The following RCOR3 variants were observed in gnomAD, a reference collection of about 807,000 sequenced individuals.
The protein encoded by RCOR3 is REST corepressor 3.
In RCOR3, 13 loss-of-function variants were observed where a neutral mutation model predicts 64.1. The observed-to-expected ratio is 0.20, with a 90% confidence interval of 0.13 to 0.32. The LOEUF (loss-of-function observed/expected upper bound fraction) is 0.32, where lower values mean the gene tolerates loss of function less well. RCOR3 is among the 10% of genes least tolerant of loss of function. The probability of loss-of-function intolerance (pLI) is 1.00; values close to 1 mark genes in which losing one functional copy is unlikely to be tolerated. For synonymous variants in RCOR3, 215 were observed against 239.0 expected, an observed-to-expected ratio of 0.90 and a Z score of 0.93; for missense variants, 489 against 701.2, an observed-to-expected ratio of 0.70 and a Z score of 3.42.
At chr1:211,270,104 C>G (rs964691949) in intron 2 of RCOR3, among the ~76,000 whole-genome samples, 10 of 150,944 alleles carry the variant, frequency 6.6e-5, no homozygotes, top group Non-Finnish European at 1.2e-4. Flanking sequence ...GCTCTGTTAC[C>G]CAGGCTGGAG....
At chr1:211,296,157 C>T (rs1318291140) in intron 9 of RCOR3, among the ~76,000 whole-genome samples, 1 of 152,062 alleles carries the variant, frequency 6.6e-6, no homozygotes, top group African/African-American at 2.4e-5. Flanking sequence ...ATTATTTTAA[C>T]GAATTTTTAT....
intron 7 of RCOR3, among the ~76,000 whole-genome samples, chr1:211,281,622 G>T (rs555214263): frequency 6.6e-6 from 1 of 152,118 alleles, no homozygotes; most frequent in African/African-American, 2.4e-5. Context: ...ATTTATTTCA[G>T]ATTACTAACA....
intron 2 of RCOR3, among the ~76,000 whole-genome samples, chr1:211,270,066 CTTT>C: frequency 6.9e-6 from 1 of 144,656 alleles, no homozygotes; most frequent in African/African-American, 2.5e-5. Flanking sequence ...TTTATCTTGA[CTTT>C]TTTTTTTTTT....
At chr1:211,268,390 T>C (rs12048594) in intron 2 of RCOR3, among the ~76,000 whole-genome samples, 9,892 of 139,072 alleles carry the variant, frequency 0.071, 457 homozygotes, top group East Asian at 0.23. Context: ...TTTTTTTTTT[T>C]TTTTTTGAGA....
In RCOR3 at chr1:211,312,992, T is replaced by A; in HGVS notation, c.1317+31T>A. 2 of 1,613,688 alleles carry A rather than the reference T, an allele frequency of 1.2e-6. No individual in the cohort carries two copies. Among genetic ancestry groups the A allele is most frequent in the Non-Finnish European group, 1.7e-6 (2 of 1,179,742 alleles). ...TTTGTGTATGGAATTTGAGCTAATA[T>A]GAGTTGAGGAATCACCATTTTGTGT... On this transcript the variant is annotated intron_variant, in intron 11 of 11. Coordinates refer to ENST00000419091, the MANE Select transcript of RCOR3 (RefSeq NM_001136223.3). The surrounding 1 kb of genome is among the most constrained non-coding windows in gnomAD (Gnocchi z 5.0).
intron 5 of RCOR3, 131 bp downstream of exon 5, chr1:211,276,549 T>G: frequency 1.3e-6 from 1 of 776,522 alleles, no homozygotes; most frequent in Non-Finnish European, 2.0e-6. Flanking sequence ...AGTAGGTATA[T>G]TTATATACAA....
At chr1:211,307,459 C>A (rs1700957707) in intron 10 of RCOR3, among the ~76,000 whole-genome samples, 2 of 146,152 alleles carry the variant, frequency 1.4e-5, no homozygotes, top group Admixed American at 6.9e-5. Flanking sequence ...CCAGCCTGGG[C>A]AGCAGAGCGA....
chr1:211,276,346 A>T lies in RCOR3; in HGVS notation c.444A>T (p.Thr148=). ...TCACTCCCTTTCCGGATGAGTGGAC[A>T]GTGGAAGATAAAGTCCTATTTGAAC... is the stretch of plus-strand genomic sequence containing the variant. ...PNFTPFPDEW[T]VEDKVLFEQA... is the part of the protein sequence containing the mutation. Residue 148 remains threonine (T), a synonymous_variant, in exon 5 of 12, where the codon ACA becomes ACT. Transcript: ENST00000419091. 1 of 1,613,984 alleles carries T rather than the reference A, an allele frequency of 6.2e-7. No individual in the cohort carries two copies. Among genetic ancestry groups the T allele is most frequent in the Non-Finnish European group, 8.5e-7 (1 of 1,179,846 alleles).
rs1701822592 is a variant in RCOR3, at chr1:211,315,535, C to T, written c.*1767C>T. 6.6e-6 allele frequency: 1 copy of T among 152,004 alleles called. No individual in the cohort carries two copies. The highest frequency in any genetic ancestry group is 2.4e-5 in the African/African-American group (1 of 41,396). The allele number at this position is 152,004 out of a possible 1,614,324, so 9.4% of individuals were successfully genotyped here. A position where few individuals can be genotyped will look rare whatever the true frequency, so the allele number is the denominator to read the frequency against. ...TTCAAGAATTTATACTTATTTTTTCCTTAAAAGCCACAGGGGACAGTTAAA... is the reference window on the plus strand; with the variant it reads ...TTCAAGAATTTATACTTATTTTTTCTTTAAAAGCCACAGGGGACAGTTAAA... On this transcript the variant is annotated 3_prime_UTR_variant, in exon 12 of 12. Coordinates refer to ENST00000419091, the MANE Select transcript of RCOR3 (RefSeq NM_001136223.3).
At chr1:211,279,590 T>G (rs1697486403) in intron 7 of RCOR3, among the ~76,000 whole-genome samples, 1 of 152,244 alleles carries the variant, frequency 6.6e-6, no homozygotes. Flanking sequence ...CTCATTCTTC[T>G]GAAGAAACCC....
chr1:211,276,784 C>G (rs553680299), intron 5 of RCOR3, among the ~76,000 whole-genome samples: 3 of 152,150 alleles, frequency 2.0e-5, no homozygotes, highest in South Asian at 2.1e-4. Flanking sequence ...TATGGAAGCC[C>G]TTTTTAAAAA....
intron 3 of RCOR3, chr1:211,271,578 C>T (rs953048803): frequency 9.3e-6 from 5 of 540,378 alleles, no homozygotes; most frequent in Admixed American, 8.9e-5. Flanking sequence ...CTGCTTAAAT[C>T]CTCAAGCAGG....
At chr1:211,272,518 C>A (rs1269511924) in intron 3 of RCOR3, among the ~76,000 whole-genome samples, 1 of 148,670 alleles carries the variant, frequency 6.7e-6, no homozygotes, top group Non-Finnish European at 1.5e-5. Context: ...GCATTGGAAT[C>A]ACTTGGGGAA....
Position 211,268,523 on chromosome 1 carries a change from G to A in RCOR3, c.224-2709G>A, listed in dbSNP as rs547669877. 2.6e-4 allele frequency among the ~76,000 whole-genome samples: 39 copies of A among 151,800 alleles called. 1 individual carries two copies. In the South Asian group the frequency reaches 7.3e-3, roughly 28 times the overall value. On this transcript the variant is annotated intron_variant, in intron 2 of 11. Coordinates refer to ENST00000419091, the MANE Select transcript of RCOR3 (RefSeq NM_001136223.3). Reference sequence around the variant, plus strand: ...GCCTCTTGAGTAGCTGGGATTACAGGCATGCGCCACCACACCCGGCTAATT... The same window carrying A: ...GCCTCTTGAGTAGCTGGGATTACAGACATGCGCCACCACACCCGGCTAATT...
At chr1:211,311,247 T>C (rs1701457939) in intron 10 of RCOR3, among the ~76,000 whole-genome samples, 1 of 152,156 alleles carries the variant, frequency 6.6e-6, no homozygotes, top group South Asian at 2.1e-4. Context: ...TTTATGCTGA[T>C]AAAACATTAT....
intron 7 of RCOR3, among the ~76,000 whole-genome samples, chr1:211,284,085 G>A (rs560338222): frequency 1.1e-3 from 159 of 150,936 alleles, no homozygotes; most frequent in Non-Finnish European, 1.7e-3. Context: ...ATGGAGTCTC[G>A]CTCTGTCGCC....
chr1:211,285,586 A>G (rs1698426526), intron 7 of RCOR3, among the ~76,000 whole-genome samples: 1 of 152,246 alleles, frequency 6.6e-6, no homozygotes, highest in Admixed American at 6.5e-5. Context: ...CTGCTTCCCC[A>G]TGGCAGGAAT....
At position 211,313,654 on chromosome 1, in the gene RCOR3, T is replaced by G; in HGVS notation, c.1548T>G (p.Pro516=). 6.2e-7 allele frequency: 1 copy of G among 1,614,184 alleles called. No individual in the cohort carries two copies. Among genetic ancestry groups the G allele is most frequent in the South Asian group, 1.1e-5 (1 of 91,090 alleles). ...AGCCTCCACCACCTCTTATTCGCCC[T>G]GCTAATTCCATGCCACCCCGTCTAA... ...LNQPPPPLIR[P]ANSMPPRLNP... Residue 516 remains proline (P), a synonymous_variant, in exon 12 of 12, where the codon CCT becomes CCG. Coordinates refer to ENST00000419091, the MANE Select transcript of RCOR3 (RefSeq NM_001136223.3). The surrounding 1 kb of genome is among the most constrained non-coding windows in gnomAD (Gnocchi z 4.7).
rs1701690685 is a variant in RCOR3, at chr1:211,313,473, C to T, written c.1367C>T (p.Pro456Leu). Residue 456 changes from proline (P) to leucine (L), a missense_variant, in exon 12 of 12, where the codon CCA (proline) becomes CTA (leucine). Coordinates refer to ENST00000419091, the MANE Select transcript of RCOR3 (RefSeq NM_001136223.3). The surrounding 1 kb of genome is among the most constrained non-coding windows in gnomAD (Gnocchi z 4.7). Reference protein sequence around the residue: ...PRTLGPSPPAPSSTPTPTAPI... With the variant: ...PRTLGPSPPALSSTPTPTAPI... ...ACACTGGGTCCATCACCTCCTGCCC[C>T]ATCATCCACTCCAACACCAACAGCC... 1 of 1,614,130 alleles carries T rather than the reference C, an allele frequency of 6.2e-7. No individual in the cohort carries two copies.
Sources: allele counts gnomAD v4.1 joint callset (sites outside exome capture counted in the v4.1 genomes callset), GRCh38; gene constraint gnomAD v4.1.1; non-coding constraint Gnocchi (gnomAD v3.1); transcripts MANE v1.5; gene names NCBI Gene and HGNC (gene_info 2026-07-23, HGNC 2026-07-21).